Variants in NRXN1 observed in about 807,000 individuals in gnomAD.
The protein encoded by NRXN1 is neurexin 1.
A neutral mutation model predicts 150.9 loss-of-function variants in NRXN1; 39 were observed. The ratio of observed to expected loss-of-function variants is 0.26; its 90% CI spans 0.20 to 0.34. The LOEUF is 0.34. Among genes scored for constraint, NRXN1 ranks in the 10% least tolerant of loss-of-function variants. NRXN1 has a pLI of 1.00. For missense variants in NRXN1, 1,815 were observed against 1,949.9 expected (o/e 0.93, Z 1.30); for synonymous variants, 924 against 757.0 (o/e 1.22, Z -3.62).
intron 12 of NRXN1, among the ~76,000 whole-genome samples, chr2:50,526,008 C>T (rs933507199): frequency 3.3e-5 from 5 of 152,106 alleles, no homozygotes; most frequent in African/African-American, 9.7e-5. Flanking sequence ...GTAGCTGGAC[C>T]CTCTACCCTC....
intron 17 of NRXN1, among the ~76,000 whole-genome samples, chr2:50,398,631 C>A (rs2082198956): frequency 6.6e-6 from 1 of 152,080 alleles, no homozygotes; most frequent in African/African-American, 2.4e-5. Context: ...CAGTCATTTT[C>A]CCTGTGTAGA....
At chr2:50,373,120 G>A (rs1192617194) in intron 17 of NRXN1, among the ~76,000 whole-genome samples, 1 of 151,790 alleles carries the variant, frequency 6.6e-6, no homozygotes, top group Non-Finnish European at 1.5e-5. Flanking sequence ...ACAAGTATGA[G>A]TGTAGACTCT....
At chr2:50,191,229 G>A (rs1191136956) in intron 18 of NRXN1, among the ~76,000 whole-genome samples, 4 of 148,256 alleles carry the variant, frequency 2.7e-5, no homozygotes, top group African/African-American at 5.0e-5. Flanking sequence ...TAGTAGAGAC[G>A]GGGTTTCACT....
intron 17 of NRXN1, among the ~76,000 whole-genome samples, chr2:50,248,418 T>C (rs1034387655): frequency 3.9e-5 from 6 of 152,196 alleles, no homozygotes; most frequent in African/African-American, 1.4e-4. Context: ...TTTGTTTGGC[T>C]ATAAAAACAG....
chr2:50,282,057 T>C (rs1227849398), intron 17 of NRXN1, among the ~76,000 whole-genome samples: 2 of 152,214 alleles, frequency 1.3e-5, no homozygotes, highest in East Asian at 1.9e-4. Context: ...ATACATTTAA[T>C]CAAAATGTCT....
chr2:50,570,856 C>T (rs1181500565), intron 8 of NRXN1, among the ~76,000 whole-genome samples: 2 of 152,070 alleles, frequency 1.3e-5, no homozygotes, highest in African/African-American at 2.4e-5. Flanking sequence ...GTGTTTTCCG[C>T]AGCTTGGTTA....
chr2:50,199,367 C>A (rs2061998202), intron 18 of NRXN1: 1 of 151,894 alleles, frequency 6.6e-6, no homozygotes, highest in Non-Finnish European at 1.5e-5. Context: ...AGTTAACTCC[C>A]AGAGAAATAT....
chr2:50,962,807 A>T (rs1693424552), intron 2 of NRXN1, among the ~76,000 whole-genome samples: 1 of 151,570 alleles, frequency 6.6e-6, no homozygotes, highest in African/African-American at 2.4e-5. Context: ...AAATGATCTC[A>T]ATTTTCCAGA....
intron 5 of NRXN1, among the ~76,000 whole-genome samples, chr2:50,904,271 T>A (rs894252238): frequency 1.3e-5 from 2 of 152,140 alleles, no homozygotes; most frequent in Non-Finnish European, 2.9e-5. Flanking sequence ...ATAATAATTT[T>A]AAAAAATGAC....
At chr2:50,295,679 G>A (rs2073476054) in intron 17 of NRXN1, among the ~76,000 whole-genome samples, 1 of 152,022 alleles carries the variant, frequency 6.6e-6, no homozygotes, top group African/African-American at 2.4e-5. Flanking sequence ...CAGTCTTTTG[G>A]GACATTTGCA....
At chr2:50,370,975 G>C (rs184818789) in intron 17 of NRXN1, among the ~76,000 whole-genome samples, 1 of 151,926 alleles carries the variant, frequency 6.6e-6, no homozygotes, top group African/African-American at 2.4e-5. Flanking sequence ...GAGATACTAA[G>C]GAACTGCCGG....
At chr2:50,580,481 C>T (rs986769066) in intron 8 of NRXN1, among the ~76,000 whole-genome samples, 8 of 152,126 alleles carry the variant, frequency 5.3e-5, no homozygotes, top group African/African-American at 1.9e-4. Flanking sequence ...ACTTGATTAA[C>T]ATAGAGAAGT....
At chr2:50,073,828 C>T (rs938024833) in intron 19 of NRXN1, among the ~76,000 whole-genome samples, 1 of 152,104 alleles carries the variant, frequency 6.6e-6, no homozygotes, top group African/African-American at 2.4e-5. Context: ...TAAGCTCTTA[C>T]ACATAAATGA....
At chr2:50,695,841 ATT>A (rs5831150) in intron 5 of NRXN1, among the ~76,000 whole-genome samples, 11 of 127,286 alleles carry the variant, frequency 8.6e-5, no homozygotes, top group South Asian at 2.5e-4. Context: ...AGTGACTCTG[ATT>A]TTTTTTTTTT....
At chr2:50,164,746 A>C (rs1324817973) in intron 18 of NRXN1, among the ~76,000 whole-genome samples, 1 of 152,162 alleles carries the variant, frequency 6.6e-6, no homozygotes, top group Admixed American at 6.5e-5. Flanking sequence ...AGGTGATCTG[A>C]GGATCAGAAA....
At chr2:49,933,337 C>T (rs1670470386) in intron 22 of NRXN1, among the ~76,000 whole-genome samples, 2 of 152,072 alleles carry the variant, frequency 1.3e-5, no homozygotes, top group African/African-American at 2.4e-5. Context: ...CCGCCCGCCT[C>T]GGCCTCCCAA....
At chr2:50,602,384 T>C (rs1432845152) in intron 8 of NRXN1, among the ~76,000 whole-genome samples, 1 of 145,162 alleles carries the variant, frequency 6.9e-6, no homozygotes, top group African/African-American at 2.5e-5. Context: ...GTGTCTCTAA[T>C]GTTCATTTTT....
chr2:50,949,771 C>A (rs1691001762), intron 2 of NRXN1, among the ~76,000 whole-genome samples: 1 of 152,108 alleles, frequency 6.6e-6, no homozygotes, highest in Non-Finnish European at 1.5e-5. Context: ...ACCGGCACAG[C>A]CAGAACTTGC....
chr2:50,510,319 C>T (rs1325428987), intron 12 of NRXN1, among the ~76,000 whole-genome samples: 1 of 151,654 alleles, frequency 6.6e-6, no homozygotes, highest in Non-Finnish European at 1.5e-5. Flanking sequence ...AACCCTCTCT[C>T]TACTAAAAAT....
Sources: gnomAD v4.1 joint callset for allele counts (sites outside exome capture counted in the v4.1 genomes callset) on GRCh38, gnomAD v4.1.1 for gene constraint, MANE v1.5 for transcripts, NCBI Gene and HGNC (gene_info 2026-07-23, HGNC 2026-07-21) for gene names.